The following LMBR1 variants were observed in gnomAD, a reference collection of about 807,000 sequenced individuals.
LMBR1 encodes the protein limb region 1 protein homolog.
A neutral mutation model predicts 73.9 loss-of-function variants in LMBR1; 52 were observed. The observed-to-expected ratio is 0.70, with a 90% CI of 0.56 to 0.89. The LOEUF is 0.89. Among genes scored for constraint, LMBR1 ranks in the 40% least tolerant of loss-of-function variants. The pLI is 0.00. For missense variants in LMBR1, 539 were observed against 579.8 expected (o/e 0.93, Z 0.72); for synonymous variants, 215 against 209.4 (o/e 1.03, Z -0.23).
Position 156,892,924 on chromosome 7 carries a change from G to T in LMBR1, c.66+4C>A. 1 of 1,523,944 alleles carries T rather than the reference G, an allele frequency of 6.6e-7. No individual in the cohort carries two copies. 94.4% of individuals were successfully genotyped at this position (1,523,944 alleles called of 1,614,324 possible). ...CTGTCAGGGCTGCCTCGGTCCCCAC[G>T]CACCGTGGACTCCCGCACTTGGCTG... On this transcript the variant is annotated splice_donor_region_variant and intron_variant, in intron 1 of 16. Transcript: ENST00000353442.
chr7:156,746,195 T>C (rs1819824055), intron 9 of LMBR1, among the ~76,000 whole-genome samples: 1 of 152,220 alleles, frequency 6.6e-6, no homozygotes, highest in Admixed American at 6.5e-5. Context: ...TCAATTAAAC[T>C]GTGTATCTGT....
chr7:156,734,404 A>C (rs1817463006), intron 9 of LMBR1, 147 bp from the exon 10 acceptor site: 1 of 542,944 alleles, frequency 1.8e-6, no homozygotes, highest in African/African-American at 1.9e-5. Flanking sequence ...AGAGGAAAGC[A>C]CATCCATATA....
chr7:156,828,804 T>C (rs1275160296), intron 3 of LMBR1, among the ~76,000 whole-genome samples: 1 of 152,222 alleles, frequency 6.6e-6, no homozygotes, highest in African/African-American at 2.4e-5. Flanking sequence ...ATGTGGGATA[T>C]GATGAGGTTT....
intron 1 of LMBR1, among the ~76,000 whole-genome samples, chr7:156,845,280 G>C (rs1839406654): frequency 6.6e-6 from 1 of 152,124 alleles, no homozygotes; most frequent in Non-Finnish European, 1.5e-5. Context: ...TTCCATAGCA[G>C]AGAGGTCACA....
chr7:156,791,327 C>CA lies in LMBR1; in HGVS notation c.423+5061dup, dbSNP rs1263451266. On this transcript the variant is annotated intron_variant, in intron 5 of 16. Transcript: ENST00000353442. ...CCAACAATTTATGGATCATCAGTGGCAAAAAACGAGCAAAAATAATGAAAG... is the reference window on the plus strand; with the variant it reads ...CCAACAATTTATGGATCATCAGTGGCAAAAAAACGAGCAAAAATAATGAAAG... Among the ~76,000 whole-genome samples, 10 of 151,964 alleles carry CA rather than the reference C, an allele frequency of 6.6e-5. No individual in the cohort carries two copies. Among genetic ancestry groups the CA allele is most frequent in the Admixed American group, 5.2e-4 (8 of 15,252 alleles).
At chr7:156,740,835 A>G (rs990650249) in intron 9 of LMBR1, among the ~76,000 whole-genome samples, 2 of 152,226 alleles carry the variant, frequency 1.3e-5, no homozygotes, top group African/African-American at 4.8e-5. Context: ...ATATAAGTAA[A>G]CACAGAAAAA....
At chr7:156,804,105 G>C (rs978001432) in intron 4 of LMBR1, among the ~76,000 whole-genome samples, 1 of 151,982 alleles carries the variant, frequency 6.6e-6, no homozygotes. Flanking sequence ...TAACAAGCCT[G>C]CACGTTGTGC....
rs1198006411 is a variant in LMBR1, at chr7:156,780,854, C to T, written c.423+15535G>A. On this transcript the variant is annotated intron_variant, in intron 5 of 16. Coordinates refer to ENST00000353442, the MANE Select transcript of LMBR1 (RefSeq NM_022458.4). Reference sequence around the variant, plus strand: ...ACCCTTCACCTCCACCCTTCACCCCCACCTCCCCAGTGACAGAAATAAGTC... The same window carrying T: ...ACCCTTCACCTCCACCCTTCACCCCTACCTCCCCAGTGACAGAAATAAGTC... Among the ~76,000 whole-genome samples the T allele has an allele frequency of 4.6e-5, 7 of 152,200 alleles. No individual in the cohort carries two copies. The South Asian group carries it at 1.4e-3, about 31-fold the overall frequency.
chr7:156,810,184 C>T (rs1832845021), intron 4 of LMBR1, among the ~76,000 whole-genome samples: 2 of 152,054 alleles, frequency 1.3e-5, no homozygotes, highest in Admixed American at 6.5e-5. Context: ...TGGCGAAAGG[C>T]GAAGGGGAGC....
intron 1 of LMBR1, among the ~76,000 whole-genome samples, chr7:156,878,214 A>G (rs538247040): frequency 3.5e-4 from 54 of 152,312 alleles, no homozygotes; most frequent in African/African-American, 1.3e-3. Flanking sequence ...GCAATCAGAC[A>G]AGAGAAAGAA....
At chr7:156,872,624 G>A (rs183032512) in intron 1 of LMBR1, among the ~76,000 whole-genome samples, 1 of 151,050 alleles carries the variant, frequency 6.6e-6, no homozygotes, top group African/African-American at 2.4e-5. Flanking sequence ...TCCAGCCTGG[G>A]TAACAAGAGC....
intron 9 of LMBR1, among the ~76,000 whole-genome samples, chr7:156,735,551 T>TG (rs1210764537): frequency 6.6e-6 from 1 of 151,224 alleles, no homozygotes; most frequent in African/African-American, 2.4e-5. Flanking sequence ...GAGTGGTGTT[T>TG]TTTTTTTTTT....
intron 5 of LMBR1, among the ~76,000 whole-genome samples, chr7:156,776,145 A>G (rs560126846): frequency 1.3e-5 from 2 of 150,494 alleles, no homozygotes; most frequent in African/African-American, 4.9e-5. Context: ...GCTTAGGACA[A>G]TATCTGGTTC....
rs183153599 is a variant in LMBR1 at position 156,889,973 on chromosome 7, C to T, written c.66+2955G>A. 2.6e-3 allele frequency among the ~76,000 whole-genome samples: 399 copies of T among 152,188 alleles called. 3 individuals carry two copies. The highest frequency in any genetic ancestry group is 9.3e-3 in the African/African-American group (388 of 41,508). On this transcript the variant is annotated intron_variant, in intron 1 of 16. Transcript: ENST00000353442. Reference sequence around the variant, plus strand: ...GAGCCATGATTGCGCCACTGCACGACAGCCTGGTCAACAGAGGGAGAACCT... The same window carrying T: ...GAGCCATGATTGCGCCACTGCACGATAGCCTGGTCAACAGAGGGAGAACCT...
chr7:156,840,136 A>G (rs1268525747), intron 1 of LMBR1, among the ~76,000 whole-genome samples: 1 of 152,234 alleles, frequency 6.6e-6, no homozygotes, highest in Non-Finnish European at 1.5e-5. Flanking sequence ...ATTCAAATAA[A>G]AACAATTTTT....
chr7:156,703,401 C>T (rs1810222398), intron 15 of LMBR1, among the ~76,000 whole-genome samples: 1 of 152,170 alleles, frequency 6.6e-6, no homozygotes, highest in South Asian at 2.1e-4. Flanking sequence ...AGGAGAGTTG[C>T]CTCAGAGGCC....
chr7:156,706,262 A>C (rs11773722), intron 15 of LMBR1, among the ~76,000 whole-genome samples: 26,191 of 152,044 alleles, frequency 0.17, 2,793 homozygotes, highest in African/African-American at 0.31. Flanking sequence ...CAACAGCACC[A>C]AGATTCATAA....
At chr7:156,675,120 C>T (rs1314874148), downstream of LMBR1, among the ~76,000 whole-genome samples, 2 of 152,158 alleles carry the variant, frequency 1.3e-5, no homozygotes, top group African/African-American at 4.8e-5. Context: ...AGTGCAGACC[C>T]GAAGAGGCAG....
chr7:156,775,541 G>A (rs77253610), intron 5 of LMBR1, among the ~76,000 whole-genome samples: 3,373 of 152,158 alleles, frequency 0.022, 63 homozygotes, highest in Middle Eastern at 0.048. Context: ...TTAAATCATG[G>A]TGAATGTTCA....
Sources: gnomAD v4.1 joint callset for allele counts (sites outside exome capture counted in the v4.1 genomes callset) on GRCh38, gnomAD v4.1.1 for gene constraint, MANE v1.5 for transcripts, NCBI Gene and HGNC (gene_info 2026-07-23, HGNC 2026-07-21) for gene names.